NR3C1: variants seen among roughly 807,000 people sequenced by gnomAD.
The protein encoded by NR3C1 is glucocorticoid receptor.
Under a neutral mutation model 74.0 loss-of-function variants are expected in NR3C1, and 14 were observed. The ratio of observed to expected loss-of-function variants is 0.19; its 90% CI spans 0.12 to 0.30. The LOEUF is 0.30. Ranked by LOEUF, NR3C1 falls within the 10% of genes least tolerant of loss-of-function variation. The pLI, the probability that NR3C1 is intolerant of heterozygous loss-of-function variation, is 1.00. For missense variants in NR3C1, 695 were observed against 909.8 expected (o/e 0.76, Z 3.04); for synonymous variants, 308 against 332.5 (o/e 0.93, Z 0.80).
At chr5:143,338,925 CCT>C (rs1408469820) in intron 2 of NR3C1, among the ~76,000 whole-genome samples, 2 of 152,068 alleles carry the variant, frequency 1.3e-5, no homozygotes, top group Non-Finnish European at 2.9e-5. Context: ...CTATTTTTTT[CCT>C]CTTTTATATT....
intron 2 of NR3C1, among the ~76,000 whole-genome samples, chr5:143,340,626 G>A (rs1186555936): frequency 1.3e-5 from 2 of 151,720 alleles, no homozygotes; most frequent in Admixed American, 1.3e-4. Context: ...GGGATTACAG[G>A]TGCGCGCCAC....
intron 2 of NR3C1, among the ~76,000 whole-genome samples, chr5:143,338,723 T>C (rs1465177052): frequency 6.6e-6 from 1 of 152,200 alleles, no homozygotes; most frequent in African/African-American, 2.4e-5. Context: ...AAAGTTACAG[T>C]AGGCTAAGGT....
chr5:143,333,790 A>G (rs1031074585), intron 2 of NR3C1, among the ~76,000 whole-genome samples: 26 of 152,114 alleles, frequency 1.7e-4, no homozygotes, highest in African/African-American at 6.0e-4. Context: ...ACAAACAAAC[A>G]AACAAACAAA....
rs750805075 is a variant in NR3C1, at chr5:143,400,167, G to C, written c.673C>G (p.Leu225Val). Residue 225 changes from leucine to valine, a missense_variant, in exon 2 of 9, where the codon CTT becomes GTT. Physicochemically the swap from Leu to Val is conservative, Grantham distance 32. Coordinates refer to ENST00000394464, the MANE Select transcript of NR3C1 (RefSeq NM_000176.3). The stretch of plus-strand genomic sequence containing the variant: ...TCGTCTTCTCCCGCCAGAGGAGAAA[G>C]CAAACAGTTTTCATCTATCAACAGG... ...SDLLIDENCLLSPLAGEDDSF... is the reference protein window; with the variant it reads ...SDLLIDENCLVSPLAGEDDSF... 11 of 1,613,946 alleles carry C rather than the reference G, an allele frequency of 6.8e-6. No homozygotes were observed. The highest frequency in any genetic ancestry group is 9.3e-6 in the Non-Finnish European group (11 of 1,180,012).
intron 7 of NR3C1, chr5:143,294,881 C>T: frequency 1.0e-6 from 1 of 964,212 alleles, no homozygotes; most frequent in Non-Finnish European, 1.2e-6. Flanking sequence ...TATCACTTCA[C>T]CTACTGAAGG....
chr5:143,400,037 G>A lies in NR3C1; in HGVS notation c.803C>T (p.Pro268Leu). The A allele has an allele frequency of 1.2e-6, 2 of 1,614,060 alleles. No individual in the cohort carries two copies. Among genetic ancestry groups the A allele is most frequent in the Non-Finnish European group, 1.7e-6 (2 of 1,180,004 alleles). The part of the protein sequence containing the change: ...KDNGDLVLSS[P>L]SNVTLPQVKT... ...CACTTGGGGCAGTGTTACATTACTGGGGCTTGACAAAACCAGATCTCCATT... is the reference window on the plus strand; with the variant it reads ...CACTTGGGGCAGTGTTACATTACTGAGGCTTGACAAAACCAGATCTCCATT... The change falls in exon 2 of 9, where the codon CCC becomes CTC. Residue 268 changes from proline (P) to leucine (L), a missense_variant. Around this residue, in one of 4 missense-constraint regions of NR3C1, gnomAD observed 497 missense variants for 489.5 expected, o/e 1.02. Coordinates refer to ENST00000394464, the MANE Select transcript of NR3C1 (RefSeq NM_000176.3).
At chr5:143,385,893 A>G (rs1837120391) in intron 2 of NR3C1, among the ~76,000 whole-genome samples, 2 of 152,164 alleles carry the variant, frequency 1.3e-5, no homozygotes, top group African/African-American at 4.8e-5. Flanking sequence ...ATGTATCTTT[A>G]TAGCAATGCC....
chr5:143,288,795 T>C (rs952434536), intron 7 of NR3C1, among the ~76,000 whole-genome samples: 2 of 151,876 alleles, frequency 1.3e-5, no homozygotes, highest in Non-Finnish European at 2.9e-5. Context: ...TTGGTAGAGA[T>C]TGTCAAGCTA....
chr5:143,287,784 A>G (rs749491431), intron 7 of NR3C1, among the ~76,000 whole-genome samples: 18 of 152,218 alleles, frequency 1.2e-4, no homozygotes, highest in Non-Finnish European at 2.4e-4. Context: ...TTCAAAATAT[A>G]TATGGAAAAG....
intron 1 of NR3C1, chr5:143,402,645 G>A: frequency 1.0e-6 from 1 of 985,530 alleles, no homozygotes; most frequent in Non-Finnish European, 1.2e-6. Context: ...AACAGATAAC[G>A]CCGGCCCCGG....
chr5:143,375,075 A>G (rs1457453129), intron 2 of NR3C1, among the ~76,000 whole-genome samples: 1 of 152,178 alleles, frequency 6.6e-6, no homozygotes, highest in Admixed American at 6.5e-5. Flanking sequence ...ATTTGAACAC[A>G]GCTTCTCCAA....
Position 143,400,026 on chromosome 5 carries a change from T to C in NR3C1, c.814A>G (p.Thr272Ala), listed in dbSNP as rs1839962099. The change falls in exon 2 of 9, where the codon ACA becomes GCA. Residue 272 changes from threonine to alanine, a missense_variant. Coordinates refer to ENST00000394464, the MANE Select transcript of NR3C1 (RefSeq NM_000176.3). ...TTTTCTGTTTTCACTTGGGGCAGTGTTACATTACTGGGGCTTGACAAAACC... is the reference window on the plus strand; with the variant it reads ...TTTTCTGTTTTCACTTGGGGCAGTGCTACATTACTGGGGCTTGACAAAACC... ...DLVLSSPSNV[T>A]LPQVKTEKED... is the part of the protein sequence containing the mutation. The C allele has an allele frequency of 6.2e-7, 1 of 1,614,088 alleles. No individual in the cohort carries two copies. The highest frequency in any genetic ancestry group is 8.5e-7 in the Non-Finnish European group (1 of 1,180,036).
intron 2 of NR3C1, among the ~76,000 whole-genome samples, chr5:143,377,443 C>G (rs1433400144): frequency 6.6e-6 from 1 of 152,238 alleles, no homozygotes; most frequent in Non-Finnish European, 1.5e-5. Context: ...TGGGCTATAC[C>G]TTCGCCCACA....
At chr5:143,392,306 C>A (rs938296783) in intron 2 of NR3C1, among the ~76,000 whole-genome samples, 1 of 152,134 alleles carries the variant, frequency 6.6e-6, no homozygotes, top group Non-Finnish European at 1.5e-5. Flanking sequence ...ATGCACAAAT[C>A]CTGTCAGGTA....
At chr5:143,423,795 G>A (rs1316792268) in intron 1 of NR3C1, among the ~76,000 whole-genome samples, 1 of 152,076 alleles carries the variant, frequency 6.6e-6, no homozygotes, top group Non-Finnish European at 1.5e-5. Context: ...ATGAAATTAT[G>A]TCTCTTTCAT....
At chr5:143,288,599 G>C (rs1296277794) in intron 7 of NR3C1, among the ~76,000 whole-genome samples, 1 of 151,886 alleles carries the variant, frequency 6.6e-6, no homozygotes, top group East Asian at 1.9e-4. Flanking sequence ...AGCCTCCTGG[G>C]TAGCTGGGAC....
chr5:143,407,938 G>A (rs1414700738), upstream of NR3C1, among the ~76,000 whole-genome samples: 1 of 152,210 alleles, frequency 6.6e-6, no homozygotes, highest in Non-Finnish European at 1.5e-5. Flanking sequence ...CCCCTTTGTA[G>A]AAAGTGAAGC....
At chr5:143,330,163 T>C (rs1193136304) in intron 2 of NR3C1, among the ~76,000 whole-genome samples, 2 of 152,184 alleles carry the variant, frequency 1.3e-5, no homozygotes, top group African/African-American at 4.8e-5. Context: ...TAAAATGCTA[T>C]TTGCTAACAT....
intron 2 of NR3C1, among the ~76,000 whole-genome samples, chr5:143,339,039 G>A (rs1827720010): frequency 6.6e-6 from 1 of 152,152 alleles, no homozygotes; most frequent in Admixed American, 6.5e-5. Context: ...TAAGTTTGTG[G>A]CCTGGAAGCA....
Sources: allele counts gnomAD v4.1 joint callset (sites outside exome capture counted in the v4.1 genomes callset), GRCh38; gene constraint gnomAD v4.1.1; regional missense constraint gnomAD v4.1.1; transcripts MANE v1.5; gene names NCBI Gene and HGNC (gene_info 2026-07-23, HGNC 2026-07-21).